Variants in ITSN1 observed in about 807,000 individuals in gnomAD.
ITSN1 encodes intersectin-1.
ITSN1 carries 58 observed loss-of-function variants against 239.8 expected under a neutral mutation model. The ratio of observed to expected loss-of-function variants is 0.24; its 90% CI spans 0.20 to 0.30. The LOEUF (loss-of-function observed/expected upper bound fraction) is 0.30, where lower values mean the gene tolerates loss of function less well. Ranked by LOEUF, ITSN1 falls within the 10% of genes least tolerant of loss-of-function variation. ITSN1 has a pLI of 1.00. For synonymous variants in ITSN1, 780 were observed against 770.8 expected (o/e 1.01, Z -0.20); for missense variants, 1,558 against 2,103.3 (o/e 0.74, Z 5.07).
rs116124860 is a variant in ITSN1, at chr21:33,757,697, G to C, written c.724+2300G>C. On this transcript the variant is annotated intron_variant, in intron 8 of 39. Coordinates refer to ENST00000381318, the MANE Select transcript of ITSN1 (RefSeq NM_003024.3). ...TTATAAAAATAATTTTATGAAGTCA[G>C]AATCCCCAAAGCAGTTCACTCAGCT... 7.2e-3 allele frequency among the ~76,000 whole-genome samples: 1,093 copies of C among 152,226 alleles called. 14 individuals are homozygous for C. Among genetic ancestry groups the C allele is most frequent in the African/African-American group, 0.025 (1,041 of 41,530 alleles).
chr21:33,788,007 G>C (rs1251380983), intron 16 of ITSN1, among the ~76,000 whole-genome samples: 1 of 151,962 alleles, frequency 6.6e-6, no homozygotes, highest in Non-Finnish European at 1.5e-5. Context: ...TTCTTTTTAA[G>C]GTTGTAAAAA....
intron 14 of ITSN1, 46 bp downstream of exon 14, chr21:33,775,154 C>T: frequency 6.4e-7 from 1 of 1,571,176 alleles, no homozygotes; most frequent in Non-Finnish European, 8.7e-7. Context: ...AACTGGCATC[C>T]TTTTCTCTAA....
chr21:33,837,102 G>C, intron 29 of ITSN1: 14 of 1,548,894 alleles, frequency 9.0e-6, no homozygotes, highest in Non-Finnish European at 1.2e-5. Flanking sequence ...GTGACTTCCA[G>C]CATGATCACC....
chr21:33,867,963 C>T (rs969897706), intron 33 of ITSN1, among the ~76,000 whole-genome samples: 1 of 152,092 alleles, frequency 6.6e-6, no homozygotes, highest in Admixed American at 6.6e-5. Flanking sequence ...CAGACTTTCG[C>T]GGTGTTACAG....
intron 14 of ITSN1, among the ~76,000 whole-genome samples, chr21:33,779,280 C>T (rs1263107281): frequency 6.6e-6 from 1 of 151,928 alleles, no homozygotes; most frequent in Non-Finnish European, 1.5e-5. Flanking sequence ...GATTTTGGAC[C>T]TTTCATCATT....
chr21:33,770,047 C>G (rs754214311), intron 11 of ITSN1, among the ~76,000 whole-genome samples: 1 of 150,994 alleles, frequency 6.6e-6, no homozygotes, highest in Non-Finnish European at 1.5e-5. Context: ...GCCCCACTCT[C>G]AACGGCTAAT....
At chr21:33,781,881 T>A in intron 15 of ITSN1, 113 bp from the exon 16 acceptor site, 1 of 1,082,822 alleles carries the variant, frequency 9.2e-7, no homozygotes, top group Non-Finnish European at 1.3e-6. Context: ...ACCCAGCCTT[T>A]TCTTATTTTT....
chr21:33,782,050 C>T lies in ITSN1; in HGVS notation c.1741C>T (p.His581Tyr). Residue 581 changes from histidine to tyrosine, a missense_variant, in exon 16 of 40, where the codon CAC becomes TAC. Transcript: ENST00000381318. ...AGAAGCAAAAGAACTAGCTCGGCAG[C>T]ACCTACGAGACCAACTGGATGAAGT... ...ALEAKELARQ[H>Y]LRDQLDEVEK... The T allele has an allele frequency of 6.2e-7, 1 of 1,613,570 alleles. No homozygotes were observed.
At chr21:33,728,529 T>C (rs1157485752) in intron 4 of ITSN1, among the ~76,000 whole-genome samples, 1 of 152,136 alleles carries the variant, frequency 6.6e-6, no homozygotes, top group East Asian at 1.9e-4. Context: ...TGCCCAGCCT[T>C]CTTCCTGTTC....
intron 14 of ITSN1, among the ~76,000 whole-genome samples, chr21:33,779,941 C>T (rs2070015695): frequency 1.3e-5 from 2 of 152,122 alleles, no homozygotes; most frequent in Admixed American, 6.5e-5. Context: ...GAGTGATTCT[C>T]CTGCCTCAGC....
chr21:33,700,234 A>C (rs1396469716), intron 1 of ITSN1, among the ~76,000 whole-genome samples: 1 of 151,348 alleles, frequency 6.6e-6, no homozygotes, highest in Non-Finnish European at 1.5e-5. Context: ...GCAGGTGCCC[A>C]CCACCATGCC....
intron 1 of ITSN1, among the ~76,000 whole-genome samples, chr21:33,698,038 C>T (rs2091872285): frequency 6.6e-6 from 1 of 152,092 alleles, no homozygotes; most frequent in Non-Finnish European, 1.5e-5. Flanking sequence ...TCATTGCTGT[C>T]CCTTATTTTT....
chr21:33,803,948 G>C (rs937351063), intron 20 of ITSN1, among the ~76,000 whole-genome samples: 8 of 152,176 alleles, frequency 5.3e-5, no homozygotes, highest in African/African-American at 1.9e-4. Flanking sequence ...CCATTCAGCT[G>C]TGTTATCTTT....
At chr21:33,703,067 C>T (rs1402158862) in intron 1 of ITSN1, among the ~76,000 whole-genome samples, 1 of 148,034 alleles carries the variant, frequency 6.8e-6, no homozygotes, top group Non-Finnish European at 1.5e-5. Context: ...GCCTGGGTGG[C>T]TGAGCGAGAC....
At chr21:33,666,004 C>T (rs182228661) in intron 1 of ITSN1, among the ~76,000 whole-genome samples, 1 of 151,678 alleles carries the variant, frequency 6.6e-6, no homozygotes, top group South Asian at 2.1e-4. Context: ...TCTCAGCTCA[C>T]TGCAACCTCT....
chr21:33,822,342 A>T (rs568146989), intron 24 of ITSN1, among the ~76,000 whole-genome samples: 30 of 152,376 alleles, frequency 2.0e-4, no homozygotes, highest in African/African-American at 7.2e-4. Context: ...GAGGCTCGAC[A>T]TTAAAGGAAC....
At chr21:33,860,644 G>A (rs989885519) in intron 31 of ITSN1, among the ~76,000 whole-genome samples, 1 of 152,130 alleles carries the variant, frequency 6.6e-6, no homozygotes, top group Non-Finnish European at 1.5e-5. Flanking sequence ...GCCCTGTTAC[G>A]GCTGAAGCAG....
intron 6 of ITSN1, among the ~76,000 whole-genome samples, chr21:33,751,099 G>A (rs1387057643): frequency 6.6e-6 from 1 of 152,180 alleles, no homozygotes; most frequent in Non-Finnish European, 1.5e-5. Context: ...TAAGCTAAAT[G>A]TATCTCCTTT....
chr21:33,755,902 G>T (rs2147553022), intron 8 of ITSN1, among the ~76,000 whole-genome samples: 1 of 152,258 alleles, frequency 6.6e-6, no homozygotes. Flanking sequence ...GATCTCAATG[G>T]ATTTTTTTAA....
Sources: gnomAD v4.1 joint callset for allele counts (sites outside exome capture counted in the v4.1 genomes callset) on GRCh38, gnomAD v4.1.1 for gene constraint, MANE v1.5 for transcripts, NCBI Gene and HGNC (gene_info 2026-07-23, HGNC 2026-07-21) for gene names.